Variants in LRP1B observed in about 807,000 individuals in gnomAD.
LRP1B encodes the protein low-density lipoprotein receptor-related protein 1B.
A neutral mutation model predicts 556.6 loss-of-function variants in LRP1B; 217 were observed. The observed-to-expected ratio is 0.39, with a 90% CI of 0.35 to 0.44. The LOEUF (loss-of-function observed/expected upper bound fraction) is 0.44. LRP1B is among the 20% of genes least tolerant of loss of function. The probability of loss-of-function intolerance (pLI) is 1.00; values close to 1 mark genes in which losing one functional copy is unlikely to be tolerated. For synonymous variants in LRP1B, 2,047 were observed against 1,865.8 expected (o/e 1.10, Z -2.50); for missense variants, 5,053 against 5,620.8 (o/e 0.90, Z 3.23).
Position 140,731,501 on chromosome 2 carries a change from T to C in LRP1B, c.5759-14685A>G, listed in dbSNP as rs189090254. Reference sequence around the variant, plus strand: ...TTAATAAGGTAGTAATATTTTAGATTATTGAATCAGTTAAATAAGCAATTT... The same window carrying C: ...TTAATAAGGTAGTAATATTTTAGATCATTGAATCAGTTAAATAAGCAATTT... On this transcript the variant is annotated intron_variant, in intron 35 of 90. Coordinates refer to ENST00000389484, the MANE Select transcript of LRP1B (RefSeq NM_018557.3). Among the ~76,000 whole-genome samples, 236 of 151,844 alleles carry C rather than the reference T, an allele frequency of 1.6e-3. 2 individuals are homozygous for C. The highest frequency in any genetic ancestry group is 5.4e-3 in the African/African-American group (223 of 41,456).
chr2:140,843,085 GT>G (rs1325879382), intron 29 of LRP1B, among the ~76,000 whole-genome samples: 7 of 20,024 alleles, frequency 3.5e-4, no homozygotes, highest in Middle Eastern at 0.031. Context: ...TTTTTTGTTT[GT>G]TTTTTTTTTT....
intron 43 of LRP1B, among the ~76,000 whole-genome samples, chr2:140,570,812 C>A (rs1240819962): frequency 6.6e-6 from 1 of 151,712 alleles, no homozygotes; most frequent in Non-Finnish European, 1.5e-5. Context: ...CTGAAAAGAT[C>A]ATTCACCACG....
chr2:140,956,909 A>G (rs1162388249), intron 18 of LRP1B, among the ~76,000 whole-genome samples: 1 of 151,714 alleles, frequency 6.6e-6, no homozygotes, highest in Non-Finnish European at 1.5e-5. Flanking sequence ...TATTGGTTCA[A>G]GATATTTAAC....
At chr2:141,957,395 G>C (rs1199140689) in intron 1 of LRP1B, among the ~76,000 whole-genome samples, 5 of 114,726 alleles carry the variant, frequency 4.4e-5, no homozygotes, top group African/African-American at 1.6e-4. Context: ...GGGGGGGGGG[G>C]GCGGGGGGGT....
At chr2:140,899,598 A>G (rs550783989) in intron 23 of LRP1B, among the ~76,000 whole-genome samples, 28 of 152,272 alleles carry the variant, frequency 1.8e-4, no homozygotes, top group East Asian at 1.4e-3. Context: ...TAATCTAAGG[A>G]TTTATTATTT....
intron 41 of LRP1B, among the ~76,000 whole-genome samples, chr2:140,652,848 A>G (rs1559033360): frequency 6.6e-6 from 1 of 152,062 alleles, no homozygotes; most frequent in Non-Finnish European, 1.5e-5. Context: ...GATTACTGAA[A>G]CCAGTTAAAA....
rs115019434 is a variant in LRP1B at position 141,061,474 on chromosome 2, T to C, written c.1236+577A>G. ...ATCTCTTTTAGGCATTCACTGACTG[T>C]TGTTTGCAAAACGTTGTAATTCAGC... On this transcript the variant is annotated intron_variant, in intron 8 of 90. Transcript: ENST00000389484. Among the ~76,000 whole-genome samples, 1,223 of 151,902 alleles carry C rather than the reference T, an allele frequency of 8.1e-3. 13 individuals are homozygous for C. The highest frequency in any genetic ancestry group is 0.028 in the African/African-American group (1,167 of 41,510).
At chr2:141,996,310 G>A (rs912181896) in intron 1 of LRP1B, among the ~76,000 whole-genome samples, 1 of 151,950 alleles carries the variant, frequency 6.6e-6, no homozygotes, top group African/African-American at 2.4e-5. Flanking sequence ...AATGACATAG[G>A]TGTGAATGAA....
In LRP1B at chr2:140,989,514, A is replaced by T. The variant is rs920087504; in HGVS notation, c.2770+18T>A. The T allele has an allele frequency of 6.2e-7, 1 of 1,612,246 alleles. No individual in the cohort carries two copies. Among genetic ancestry groups the T allele is most frequent in the Non-Finnish European group, 8.5e-7 (1 of 1,178,878 alleles). ...AACTTTGGAGGAGATTTACGTGTATATCCAAGCAAACCTTTACCTGTGCAA... is the reference window on the plus strand; with the variant it reads ...AACTTTGGAGGAGATTTACGTGTATTTCCAAGCAAACCTTTACCTGTGCAA... On this transcript the variant is annotated intron_variant, in intron 17 of 90. Coordinates refer to ENST00000389484, the MANE Select transcript of LRP1B (RefSeq NM_018557.3).
At chr2:141,932,114 A>C (rs886185421) in intron 1 of LRP1B, among the ~76,000 whole-genome samples, 1 of 152,012 alleles carries the variant, frequency 6.6e-6, no homozygotes, top group African/African-American at 2.4e-5. Context: ...TGAATGAGCA[A>C]AAGATAAAGT....
chr2:141,917,249 T>C (rs916269454), intron 1 of LRP1B, among the ~76,000 whole-genome samples: 6 of 152,148 alleles, frequency 3.9e-5, no homozygotes, highest in Admixed American at 2.0e-4. Flanking sequence ...GGTAAAGTGA[T>C]GAAATTCACC....
chr2:140,588,350 T>TGGTGATGC (rs1384318516), intron 43 of LRP1B, among the ~76,000 whole-genome samples: 1 of 152,168 alleles, frequency 6.6e-6, no homozygotes, highest in Non-Finnish European at 1.5e-5. Context: ...ACTGGGTAAA[T>TGGTGATGC]GGTGATGCTT....
chr2:142,105,261 A>G (rs10181071), intron 1 of LRP1B, among the ~76,000 whole-genome samples: 27,615 of 152,172 alleles, frequency 0.18, 2,762 homozygotes, highest in African/African-American at 0.25. Flanking sequence ...AGTTTTAGAC[A>G]GATCTCTTTG....
intron 32 of LRP1B, among the ~76,000 whole-genome samples, chr2:140,780,141 G>A (rs1689647593): frequency 6.6e-6 from 1 of 152,172 alleles, no homozygotes; most frequent in African/African-American, 2.4e-5. Flanking sequence ...ATAGCAGACA[G>A]CTATAAGAGA....
At chr2:140,362,334 A>G (rs1448944736) in intron 72 of LRP1B, among the ~76,000 whole-genome samples, 1 of 151,716 alleles carries the variant, frequency 6.6e-6, no homozygotes, top group African/African-American at 2.4e-5. Context: ...GCAAATACAG[A>G]TGATCTCCAA....
At chr2:140,478,317 T>C (rs1335975303) in intron 59 of LRP1B, among the ~76,000 whole-genome samples, 1 of 151,650 alleles carries the variant, frequency 6.6e-6, no homozygotes, top group Non-Finnish European at 1.5e-5. Context: ...GCCTGGCTAA[T>C]TTTTTGTATT....
At chr2:141,985,825 A>G (rs1009149794) in intron 1 of LRP1B, among the ~76,000 whole-genome samples, 6 of 151,960 alleles carry the variant, frequency 3.9e-5, no homozygotes, top group Non-Finnish European at 8.8e-5. Flanking sequence ...CTGTATAGCA[A>G]ATATGTTTCA....
intron 2 of LRP1B, among the ~76,000 whole-genome samples, chr2:141,660,906 G>C (rs997577603): frequency 2.6e-5 from 4 of 152,118 alleles, no homozygotes; most frequent in Non-Finnish European, 5.9e-5. Context: ...CCTTGTACAG[G>C]AGTGTTCCCA....
chr2:141,223,141 T>C (rs993051348), intron 6 of LRP1B, among the ~76,000 whole-genome samples: 10 of 152,152 alleles, frequency 6.6e-5, no homozygotes, highest in Non-Finnish European at 1.5e-4. Flanking sequence ...GAAAACCCCA[T>C]TGTCTCATCC....
Sources: allele counts gnomAD v4.1 joint callset (sites outside exome capture counted in the v4.1 genomes callset), GRCh38; gene constraint gnomAD v4.1.1; transcripts MANE v1.5; gene names NCBI Gene and HGNC (gene_info 2026-07-23, HGNC 2026-07-21).